The following MAGI3 variants were observed in gnomAD, a reference collection of about 807,000 sequenced individuals.
The protein encoded by MAGI3 is membrane-associated guanylate kinase, WW and PDZ domain-containing protein 3.
In MAGI3, 43 loss-of-function variants were observed where a neutral mutation model predicts 121.8. That is an observed-to-expected ratio of 0.35 (90% CI 0.28 to 0.46). The LOEUF (loss-of-function observed/expected upper bound fraction) is 0.46, where lower values mean the gene tolerates loss of function less well. MAGI3 is among the 20% of genes least tolerant of loss of function. The pLI, the probability that MAGI3 is intolerant of heterozygous loss-of-function variation, is 1.00. For missense variants in MAGI3, 1,547 were observed against 1,797.3 expected, an observed-to-expected ratio of 0.86 and a Z score of 2.52; for synonymous variants, 553 against 639.3, an observed-to-expected ratio of 0.86 and a Z score of 2.04.
chr1:113,652,364 T>C (rs1467349483), intron 14 of MAGI3, among the ~76,000 whole-genome samples: 3 of 152,198 alleles, frequency 2.0e-5, no homozygotes, highest in Non-Finnish European at 4.4e-5. Flanking sequence ...TAATAAATGT[T>C]GTTAATTGGA....
intron 1 of MAGI3, among the ~76,000 whole-genome samples, chr1:113,418,792 T>C (rs1400472036): frequency 6.6e-6 from 1 of 152,150 alleles, no homozygotes; most frequent in Non-Finnish European, 1.5e-5. Flanking sequence ...AATGAGAGAA[T>C]ATGATAGTGA....
At position 113,679,995 on chromosome 1, in the gene MAGI3, AT is replaced by A. The variant is rs556748850; in HGVS notation, c.3190-1202del. ...GCTGGGATTACAGGTGTGAGCCACC[AT>A]CCCTGGCCCTGAGAAATGATTTTAC... On this transcript the variant is annotated intron_variant, in intron 19 of 20. Transcript: ENST00000307546. Among the ~76,000 whole-genome samples the A allele has an allele frequency of 2.1e-3, 314 of 152,300 alleles. 1 individual carries two copies. The highest frequency in any genetic ancestry group is 2.9e-3 in the Non-Finnish European group (196 of 68,006).
At chr1:113,581,967 C>T (rs1570897587) in intron 3 of MAGI3, among the ~76,000 whole-genome samples, 3 of 151,760 alleles carry the variant, frequency 2.0e-5, no homozygotes, top group Non-Finnish European at 2.9e-5. Flanking sequence ...TTAAGAAGCC[C>T]TCTCCCCTTA....
chr1:113,426,734 A>T (rs1408533782), intron 1 of MAGI3, among the ~76,000 whole-genome samples: 1 of 152,116 alleles, frequency 6.6e-6, no homozygotes, highest in Non-Finnish European at 1.5e-5. Context: ...TGTTTACATG[A>T]TATAATTTTT....
chr1:113,458,404 C>G (rs962685944), intron 1 of MAGI3, among the ~76,000 whole-genome samples: 2 of 152,188 alleles, frequency 1.3e-5, no homozygotes, highest in Admixed American at 1.3e-4. Flanking sequence ...GTTGAGAGCA[C>G]TTTCTCTGTT....
chr1:113,580,218 T>C (rs537722355), intron 2 of MAGI3, among the ~76,000 whole-genome samples: 1 of 152,272 alleles, frequency 6.6e-6, no homozygotes. Context: ...TAAAGTTCAT[T>C]AAAATAACTT....
At chr1:113,590,681 T>G (rs1429829135) in intron 5 of MAGI3, 23 bp downstream of exon 5, 1 of 1,603,880 alleles carries the variant, frequency 6.2e-7, no homozygotes, top group Middle Eastern at 1.7e-4. Flanking sequence ...CTCTATCTCT[T>G]CTAATGTGCC....
chr1:113,659,167 T>G lies in MAGI3; in HGVS notation c.2717T>G (p.Val906Gly). The change falls in exon 16 of 21, where the codon GTG (valine) becomes GGG (glycine). Residue 906 changes from valine to glycine, a missense_variant. By Grantham distance (109) the Val-to-Gly change is moderately radical. Transcript: ENST00000307546. ...KLKVGDHISA[V>G]NGQSIVELSH... is the part of the protein sequence containing the mutation. ...AAAGTTGGAGATCATATCTCTGCAG[T>G]GAATGGGCAGTCCATTGTTGAACTG... 1 of 1,614,094 alleles carries G rather than the reference T, an allele frequency of 6.2e-7. No homozygotes were observed.
chr1:113,426,205 T>G (rs1413874280), intron 1 of MAGI3, among the ~76,000 whole-genome samples: 2 of 152,230 alleles, frequency 1.3e-5, no homozygotes, highest in African/African-American at 2.4e-5. Context: ...GTTTAGAGAT[T>G]ATCCTATTGT....
At chr1:113,508,046 A>C (rs772558291) in intron 1 of MAGI3, among the ~76,000 whole-genome samples, 24 of 152,204 alleles carry the variant, frequency 1.6e-4, no homozygotes, top group Non-Finnish European at 2.8e-4. Flanking sequence ...ATGGAGGTAT[A>C]TTGCATTACT....
At chr1:113,579,425 A>C (rs1403218792) in intron 2 of MAGI3, among the ~76,000 whole-genome samples, 1 of 152,206 alleles carries the variant, frequency 6.6e-6, no homozygotes, top group African/African-American at 2.4e-5. Context: ...CTAATGTGAA[A>C]GGAATGAGGC....
At chr1:113,643,316 AT>A (rs1652654288) in intron 10 of MAGI3, among the ~76,000 whole-genome samples, 1 of 152,178 alleles carries the variant, frequency 6.6e-6, no homozygotes, top group Non-Finnish European at 1.5e-5. Context: ...GTTGTTTCTT[AT>A]TCTCGTTTCT....
chr1:113,472,967 A>T (rs996137215), intron 1 of MAGI3, among the ~76,000 whole-genome samples: 1 of 152,220 alleles, frequency 6.6e-6, no homozygotes, highest in African/African-American at 2.4e-5. Context: ...TTAAACTTTT[A>T]TAGTAGAGTT....
At chr1:113,612,030 A>G (rs1228280) in intron 6 of MAGI3, among the ~76,000 whole-genome samples, 115,104 of 151,596 alleles carry the variant, frequency 0.76, 44,469 homozygotes, top group African/African-American at 0.86. Flanking sequence ...TGCAACCTCC[A>G]CCTCCTGGGT....
intron 2 of MAGI3, among the ~76,000 whole-genome samples, chr1:113,579,411 A>C (rs905397946): frequency 2.6e-5 from 4 of 152,170 alleles, no homozygotes; most frequent in African/African-American, 9.6e-5. Context: ...TAGTATACTA[A>C]AGCCTAATGT....
At chr1:113,489,169 G>GCCCCCCCCCCCCCCCC (rs142365833) in intron 1 of MAGI3, among the ~76,000 whole-genome samples, 3 of 148,288 alleles carry the variant, frequency 2.0e-5, no homozygotes, top group Non-Finnish European at 3.0e-5. Context: ...AACACCTTAG[G>GCCCCCCCCCCCCCCCC]CCCCCCCCGA....
chr1:113,640,569 G>T (rs1652394902), intron 9 of MAGI3, among the ~76,000 whole-genome samples: 1 of 152,094 alleles, frequency 6.6e-6, no homozygotes, highest in Non-Finnish European at 1.5e-5. Flanking sequence ...ATGAGATCAT[G>T]TCCTTTGCAG....
intron 1 of MAGI3, among the ~76,000 whole-genome samples, chr1:113,530,323 G>GAAA (rs35215967): frequency 7.5e-6 from 1 of 132,914 alleles, no homozygotes; most frequent in Non-Finnish European, 1.6e-5. Context: ...TACCAGAAAG[G>GAAA]AAAAAAAAAA....
At chr1:113,635,353 G>C (rs1435475993) in intron 9 of MAGI3, among the ~76,000 whole-genome samples, 1 of 152,132 alleles carries the variant, frequency 6.6e-6, no homozygotes, top group Non-Finnish European at 1.5e-5. Flanking sequence ...TATGATATTG[G>C]CTGTGGGTTT....
Sources: gnomAD v4.1 joint callset for allele counts (sites outside exome capture counted in the v4.1 genomes callset) on GRCh38, gnomAD v4.1.1 for gene constraint, MANE v1.5 for transcripts, NCBI Gene and HGNC (gene_info 2026-07-23, HGNC 2026-07-21) for gene names.